SPECC1: variants seen among roughly 807,000 people sequenced by gnomAD.
SPECC1 encodes the protein cytospin-B.
In SPECC1, 62 loss-of-function variants were observed where a neutral mutation model predicts 104.1. The observed-to-expected ratio is 0.60, with a 90% CI of 0.49 to 0.74. The LOEUF (loss-of-function observed/expected upper bound fraction) is 0.74. Ranked by LOEUF, SPECC1 falls within the 30% of genes least tolerant of loss-of-function variation. The probability of loss-of-function intolerance (pLI) is 0.00; values close to 1 mark genes in which losing one functional copy is unlikely to be tolerated. For synonymous variants in SPECC1, 513 were observed against 501.6 expected (o/e 1.02, Z -0.30); for missense variants, 1,306 against 1,310.5 (o/e 1.00, Z 0.05).
intron 3 of SPECC1, among the ~76,000 whole-genome samples, chr17:20,166,436 A>G (rs2033652801): frequency 6.6e-6 from 1 of 152,216 alleles, no homozygotes; most frequent in African/African-American, 2.4e-5. Flanking sequence ...GTAAATAATG[A>G]AAGTTGACAT....
At chr17:20,161,430 AATTAGT>A (rs748001145) in intron 3 of SPECC1, among the ~76,000 whole-genome samples, 17 of 152,246 alleles carry the variant, frequency 1.1e-4, no homozygotes, top group Admixed American at 3.3e-4. Flanking sequence ...TCTGTTCCAT[AATTAGT>A]ATTAGTAAGT....
chr17:20,092,411 C>T (rs1162273701), intron 1 of SPECC1, among the ~76,000 whole-genome samples: 2 of 151,956 alleles, frequency 1.3e-5, no homozygotes, highest in East Asian at 1.9e-4. Context: ...GCTAGCATTC[C>T]CACCTGTGTT....
At chr17:20,266,470 G>C (rs1348023354) in intron 12 of SPECC1, among the ~76,000 whole-genome samples, 2 of 152,234 alleles carry the variant, frequency 1.3e-5, no homozygotes, top group African/African-American at 4.8e-5. Flanking sequence ...TGTGGTCCCA[G>C]CTGCTCGGGA....
intron 1 of SPECC1, among the ~76,000 whole-genome samples, chr17:20,058,793 T>C (rs2046065714): frequency 6.6e-6 from 1 of 151,896 alleles, no homozygotes; most frequent in Non-Finnish European, 1.5e-5. Context: ...GGGATTGTTT[T>C]GGAATGATTC....
At chr17:20,168,164 G>A (rs529353130) in intron 3 of SPECC1, among the ~76,000 whole-genome samples, 7 of 152,022 alleles carry the variant, frequency 4.6e-5, no homozygotes, top group Admixed American at 6.6e-5. Context: ...TTTCAAAGAT[G>A]GTATGAACAA....
At chr17:20,022,308 T>C (rs2044424702) in intron 1 of SPECC1, among the ~76,000 whole-genome samples, 1 of 152,214 alleles carries the variant, frequency 6.6e-6, no homozygotes, top group South Asian at 2.1e-4. Context: ...TTATATATGC[T>C]TGTTATCTTT....
intron 3 of SPECC1, among the ~76,000 whole-genome samples, chr17:20,171,189 A>G (rs1045112601): frequency 2.6e-5 from 4 of 152,242 alleles, no homozygotes; most frequent in African/African-American, 9.6e-5. Context: ...CAAAAATGTC[A>G]TATAACAGCC....
At chr17:20,120,681 T>C (rs2048983556) in intron 3 of SPECC1, among the ~76,000 whole-genome samples, 1 of 152,222 alleles carries the variant, frequency 6.6e-6, no homozygotes, top group African/African-American at 2.4e-5. Flanking sequence ...CATAGCATGG[T>C]ATTATCTATA....
At chr17:20,163,630 A>T (rs1349257644) in intron 3 of SPECC1, among the ~76,000 whole-genome samples, 1 of 150,006 alleles carries the variant, frequency 6.7e-6, no homozygotes, top group Non-Finnish European at 1.5e-5. Context: ...GCAGGGTCAG[A>T]GCTTACTGCA....
At chr17:20,200,026 T>G (rs1236599607) in intron 3 of SPECC1, among the ~76,000 whole-genome samples, 7 of 152,138 alleles carry the variant, frequency 4.6e-5, no homozygotes, top group African/African-American at 1.7e-4. Context: ...CTCCTGACCT[T>G]GTGATCCACC....
chr17:20,053,940 T>G (rs1160938384), intron 1 of SPECC1, among the ~76,000 whole-genome samples: 1 of 152,226 alleles, frequency 6.6e-6, no homozygotes, highest in Non-Finnish European at 1.5e-5. Context: ...ACGGCAAACC[T>G]TCCGTATTCC....
chr17:20,257,139 C>G lies in SPECC1; in HGVS notation c.2681-312C>G, dbSNP rs141263302. Among the ~76,000 whole-genome samples the G allele has an allele frequency of 2.6e-3, 398 of 152,312 alleles. 5 individuals are homozygous for G. The highest frequency in any genetic ancestry group is 3.7e-3 in the Non-Finnish European group (255 of 68,034). On this transcript the variant is annotated intron_variant, in intron 10 of 14. Transcript: ENST00000395527. Reference sequence around the variant, plus strand: ...TAAAACAAAAGATACTACCTGGGGACAGGGCTGGCTTCGTTGGCACTTGCA... The same window carrying G: ...TAAAACAAAAGATACTACCTGGGGAGAGGGCTGGCTTCGTTGGCACTTGCA...
chr17:20,242,651 C>G lies in SPECC1; in HGVS notation c.2352-3275C>G, dbSNP rs561463766. 4.7e-4 allele frequency among the ~76,000 whole-genome samples: 72 copies of G among 152,292 alleles called. 1 individual carries two copies. The South Asian group carries it at 0.014, about 30-fold the overall frequency. ...GGAAGAAATACCATCAGTATTATTT[C>G]TAGAACCTTGTATATCTCTCACAGA... On this transcript the variant is annotated intron_variant, in intron 7 of 14. Transcript: ENST00000395527.
chr17:20,211,622 C>T (rs2037154079), intron 4 of SPECC1, among the ~76,000 whole-genome samples: 1 of 152,266 alleles, frequency 6.6e-6, no homozygotes, highest in Non-Finnish European at 1.5e-5. Flanking sequence ...GCCCGGAACT[C>T]ATGGCATGTC....
chr17:20,024,386 C>T (rs1034904), intron 1 of SPECC1, among the ~76,000 whole-genome samples: 74,880 of 152,014 alleles, frequency 0.49, 18,859 homozygotes, highest in Middle Eastern at 0.56. Context: ...CTCTTCTAGT[C>T]CAGTAATTCT....
At chr17:20,128,919 G>A (rs1008997018) in intron 3 of SPECC1, among the ~76,000 whole-genome samples, 3 of 151,922 alleles carry the variant, frequency 2.0e-5, no homozygotes, top group East Asian at 1.9e-4. Context: ...TAGAGACAGC[G>A]TCACACTCTG....
chr17:20,224,166 C>G (rs1238183590), intron 4 of SPECC1, among the ~76,000 whole-genome samples: 1 of 152,200 alleles, frequency 6.6e-6, no homozygotes, highest in African/African-American at 2.4e-5. Context: ...GGCAGAGTCT[C>G]TTGTTCCTTT....
At chr17:20,113,787 C>A (rs1369495727) in intron 3 of SPECC1, among the ~76,000 whole-genome samples, 1 of 152,242 alleles carries the variant, frequency 6.6e-6, no homozygotes, top group Non-Finnish European at 1.5e-5. Context: ...CCAAGCAATT[C>A]TGTCTATTCA....
In SPECC1 at chr17:20,306,163, T is replaced by C. The variant is rs1359577481; in HGVS notation, c.3117+81T>C. 2.3e-6 allele frequency: 3 copies of C among 1,324,720 alleles called. No individual in the cohort carries two copies. In the South Asian group the frequency reaches 3.7e-5, roughly 16 times the overall value. 82.1% of individuals were successfully genotyped at this position (1,324,720 alleles called of 1,614,324 possible). ...ATGCCATCTGATAAACAGTTTCTCG[T>C]AGAACATTGACATCTGTTTGCCGAA... On this transcript the variant is annotated intron_variant, in intron 14 of 14. Coordinates refer to ENST00000395527, the MANE Select transcript of SPECC1 (RefSeq NM_001243439.2).
Sources: allele counts gnomAD v4.1 joint callset (sites outside exome capture counted in the v4.1 genomes callset), GRCh38; gene constraint gnomAD v4.1.1; transcripts MANE v1.5; gene names NCBI Gene and HGNC (gene_info 2026-07-23, HGNC 2026-07-21).